PACRG: variants seen among roughly 807,000 people sequenced by gnomAD.
The protein encoded by PACRG is parkin coregulated gene protein.
A neutral mutation model predicts 29.7 loss-of-function variants in PACRG; 29 were observed. The ratio of observed to expected loss-of-function variants is 0.98; its 90% CI spans 0.73 to 1.33. The LOEUF is 1.33. Among genes scored for constraint, PACRG ranks in the 40% most tolerant of loss-of-function variants. The probability of loss-of-function intolerance (pLI) is 0.00; values close to 1 mark genes in which losing one functional copy is unlikely to be tolerated. For missense variants in PACRG, 279 were observed against 316.2 expected, an observed-to-expected ratio of 0.88 and a Z score of 0.89; for synonymous variants, 116 against 118.7, an observed-to-expected ratio of 0.98 and a Z score of 0.15.
At chr6:162,871,787 A>G (rs1208823106) in intron 2 of PACRG, among the ~76,000 whole-genome samples, 5 of 152,004 alleles carry the variant, frequency 3.3e-5, no homozygotes, top group South Asian at 4.2e-4. Flanking sequence ...GCGTGGTAGC[A>G]GGCGCCTGTA....
At chr6:162,776,845 C>T (rs1404431269) in intron 1 of PACRG, among the ~76,000 whole-genome samples, 1 of 152,266 alleles carries the variant, frequency 6.6e-6, no homozygotes, top group Non-Finnish European at 1.5e-5. Context: ...TTGTGATTCT[C>T]CTGTGTCTCC....
intron 2 of PACRG, among the ~76,000 whole-genome samples, chr6:162,899,120 G>GT (rs1397304201): frequency 6.6e-6 from 1 of 152,200 alleles, no homozygotes; most frequent in African/African-American, 2.4e-5. Flanking sequence ...GAGGGCTTGA[G>GT]TAAGTCTCTA....
intron 3 of PACRG, among the ~76,000 whole-genome samples, chr6:163,067,248 G>A (rs1365403272): frequency 1.3e-5 from 2 of 152,208 alleles, no homozygotes; most frequent in African/African-American, 2.4e-5. Context: ...TGACAAGCCC[G>A]TGGTCGATGC....
intron 2 of PACRG, among the ~76,000 whole-genome samples, chr6:162,884,584 T>A (rs1162881868): frequency 1.3e-5 from 2 of 152,194 alleles, no homozygotes; most frequent in African/African-American, 2.4e-5. Context: ...CAAATTTTTT[T>A]AAAAAAATTA....
At chr6:163,153,592 C>T (rs1585272308) in intron 4 of PACRG, among the ~76,000 whole-genome samples, 1 of 152,116 alleles carries the variant, frequency 6.6e-6, no homozygotes, top group Non-Finnish European at 1.5e-5. Context: ...TCCCATTTCA[C>T]GTGACAATTT....
intron 2 of PACRG, among the ~76,000 whole-genome samples, chr6:162,919,702 G>A (rs1796935622): frequency 6.6e-6 from 1 of 152,124 alleles, no homozygotes; most frequent in Non-Finnish European, 1.5e-5. Context: ...TTGAATGAAA[G>A]CATTGTGCTG....
intron 4 of PACRG, among the ~76,000 whole-genome samples, chr6:163,200,876 G>T (rs568660227): frequency 6.6e-6 from 1 of 152,284 alleles, no homozygotes; most frequent in East Asian, 1.9e-4. Flanking sequence ...CAGCGTGCTT[G>T]GGAAGCGCCC....
chr6:162,982,996 G>GTA (rs1802559998), intron 2 of PACRG, among the ~76,000 whole-genome samples: 1 of 151,924 alleles, frequency 6.6e-6, no homozygotes, highest in Non-Finnish European at 1.5e-5. Flanking sequence ...AGTGTTAGGT[G>GTA]TATATATATT....
intron 4 of PACRG, 99 bp from the exon 5 acceptor site, chr6:163,314,728 T>C: frequency 7.7e-7 from 1 of 1,299,634 alleles, no homozygotes. Context: ...CATGTTTGTG[T>C]CTCCTAATAA....
intron 3 of PACRG, among the ~76,000 whole-genome samples, chr6:163,079,063 T>C (rs73786952): frequency 0.028 from 4,252 of 152,216 alleles, 231 homozygotes; most frequent in African/African-American, 0.096. Flanking sequence ...GCCACCTGAC[T>C]CTTTTAACTG....
At chr6:163,013,169 A>G (rs1009091696) in intron 2 of PACRG, among the ~76,000 whole-genome samples, 1 of 151,982 alleles carries the variant, frequency 6.6e-6, no homozygotes, top group Non-Finnish European at 1.5e-5. Flanking sequence ...ATTTAAAATT[A>G]TATGTGTGGT....
intron 2 of PACRG, among the ~76,000 whole-genome samples, chr6:162,823,525 T>C (rs1295915423): frequency 6.6e-6 from 1 of 151,766 alleles, no homozygotes; most frequent in Non-Finnish European, 1.5e-5. Flanking sequence ...TCTTTTTTTT[T>C]TTTTGAGACA....
At chr6:163,225,002 A>G (rs950968301) in intron 4 of PACRG, among the ~76,000 whole-genome samples, 11 of 152,240 alleles carry the variant, frequency 7.2e-5, no homozygotes, top group African/African-American at 2.7e-4. Context: ...TGATAGCAAG[A>G]AAACAAATAA....
intron 2 of PACRG, chr6:162,997,453 T>G (rs769376385): frequency 8.4e-5 from 38 of 452,880 alleles, no homozygotes; most frequent in Non-Finnish European, 1.3e-5. Context: ...GGCCCTTAAG[T>G]AACAGATGAA....
At chr6:163,008,898 T>C (rs1184975939) in intron 2 of PACRG, among the ~76,000 whole-genome samples, 1 of 152,048 alleles carries the variant, frequency 6.6e-6, no homozygotes, top group Admixed American at 6.6e-5. Context: ...TCAATGAGCT[T>C]TAGCTCTTTC....
chr6:163,045,903 C>T (rs967252051), intron 2 of PACRG, among the ~76,000 whole-genome samples: 1 of 152,084 alleles, frequency 6.6e-6, no homozygotes, highest in African/African-American at 2.4e-5. Flanking sequence ...TGTGAGGCAC[C>T]GTGCCCGGCC....
intron 1 of PACRG, among the ~76,000 whole-genome samples, chr6:162,763,441 A>G (rs1228356789): frequency 6.6e-6 from 1 of 152,226 alleles, no homozygotes; most frequent in Non-Finnish European, 1.5e-5. Flanking sequence ...AAAATAGAAC[A>G]TACATCAGCA....
At chr6:163,127,066 G>T (rs1422185748) in intron 4 of PACRG, among the ~76,000 whole-genome samples, 1 of 152,196 alleles carries the variant, frequency 6.6e-6, no homozygotes, top group Non-Finnish European at 1.5e-5. Context: ...TCAGACTTTA[G>T]CCCTAATAGT....
Position 162,728,476 on chromosome 6 carries a change from TC to T in PACRG, c.156+86del, listed in dbSNP as rs1779458038. On this transcript the variant is annotated intron_variant, in intron 1 of 4. Transcript: ENST00000366888. ...GAGGTTGGCCAGCCTTAGGATGGAC[TC>T]TGAGCCATGTCCTGGGTGGTCTTTG... 2.5e-5 allele frequency: 37 copies of T among 1,503,322 alleles called. No individual in the cohort carries two copies. In the South Asian group the frequency reaches 4.0e-4, roughly 16 times the overall value. The allele number at this position is 1,503,322 out of a possible 1,614,324, so 93.1% of individuals were successfully genotyped here.
Sources: gnomAD v4.1 joint callset for allele counts (sites outside exome capture counted in the v4.1 genomes callset) on GRCh38, gnomAD v4.1.1 for gene constraint, MANE v1.5 for transcripts, NCBI Gene and HGNC (gene_info 2026-07-23, HGNC 2026-07-21) for gene names.